Variants in RGL1 observed in about 807,000 individuals in gnomAD.
RGL1 encodes the protein ral guanine nucleotide dissociation stimulator-like 1.
RGL1 carries 24 observed loss-of-function variants against 95.2 expected under a neutral mutation model. That is an observed-to-expected ratio of 0.25 (90% CI 0.18 to 0.35). The LOEUF (loss-of-function observed/expected upper bound fraction) is 0.35. RGL1 is among the 10% of genes least tolerant of loss of function. The pLI is 1.00. For missense variants in RGL1, 715 were observed against 936.3 expected (o/e 0.76, Z 3.08); for synonymous variants, 329 against 344.9 (o/e 0.95, Z 0.51).
chr1:183,755,540 C>T (rs1022363173), intron 2 of RGL1, among the ~76,000 whole-genome samples: 7 of 151,926 alleles, frequency 4.6e-5, no homozygotes, highest in African/African-American at 1.4e-4. Flanking sequence ...AGCAAGGAAG[C>T]AATGGGAGAA....
At chr1:183,809,561 G>A (rs1661563204) in intron 2 of RGL1, among the ~76,000 whole-genome samples, 3 of 152,134 alleles carry the variant, frequency 2.0e-5, no homozygotes, top group Admixed American at 2.0e-4. Context: ...CTTTGGCTGG[G>A]ATAATTTTAC....
At chr1:183,872,650 T>A (rs9425617) in intron 4 of RGL1, among the ~76,000 whole-genome samples, 18,960 of 152,212 alleles carry the variant, frequency 0.12, 1,329 homozygotes, top group Non-Finnish European at 0.16. Context: ...ATCCAAGACA[T>A]CGGATACACT....
intron 2 of RGL1, among the ~76,000 whole-genome samples, chr1:183,795,514 G>C (rs552001890): frequency 6.6e-6 from 1 of 152,322 alleles, no homozygotes; most frequent in East Asian, 1.9e-4. Context: ...TGTGTGAAGG[G>C]AGGGAGCCAG....
At chr1:183,793,930 CA>C (rs905374718) in intron 2 of RGL1, among the ~76,000 whole-genome samples, 41 of 151,382 alleles carry the variant, frequency 2.7e-4, no homozygotes, top group African/African-American at 8.7e-4. Context: ...ATCAGTATAT[CA>C]AAGGAAATTA....
intron 2 of RGL1, among the ~76,000 whole-genome samples, chr1:183,781,597 A>G (rs1659906315): frequency 6.6e-6 from 1 of 152,204 alleles, no homozygotes; most frequent in South Asian, 2.1e-4. Flanking sequence ...GATTCTTTAC[A>G]GAAGAAAAAA....
chr1:183,900,591 G>C (rs900475242), intron 11 of RGL1, among the ~76,000 whole-genome samples: 1 of 152,074 alleles, frequency 6.6e-6, no homozygotes, highest in African/African-American at 2.4e-5. Flanking sequence ...TGCAATCTCT[G>C]CCTCTCGGGT....
intron 2 of RGL1, among the ~76,000 whole-genome samples, chr1:183,796,460 C>T (rs868707799): frequency 1.2e-4 from 19 of 152,130 alleles, no homozygotes; most frequent in Non-Finnish European, 1.0e-4. Flanking sequence ...CTGTGCCCGG[C>T]CTGTATCCCT....
chr1:183,733,220 T>C (rs1656735154), intron 1 of RGL1, among the ~76,000 whole-genome samples: 1 of 152,168 alleles, frequency 6.6e-6, no homozygotes, highest in East Asian at 1.9e-4. Flanking sequence ...TGAGTATACA[T>C]GGATCGTGAC....
intron 1 of RGL1, among the ~76,000 whole-genome samples, chr1:183,701,270 T>C (rs767594804): frequency 3.4e-4 from 52 of 152,320 alleles, no homozygotes; most frequent in Non-Finnish European, 2.8e-4. Context: ...GATGAAAGAA[T>C]GGTTTTTAGT....
intron 6 of RGL1, 63 bp downstream of exon 6, chr1:183,883,973 G>A: frequency 6.4e-7 from 1 of 1,556,316 alleles, no homozygotes; most frequent in East Asian, 2.2e-5. Context: ...GATGGCACTG[G>A]TGCCCCGGTG....
chr1:183,864,827 G>A (rs1665728790), intron 3 of RGL1, among the ~76,000 whole-genome samples: 1 of 152,188 alleles, frequency 6.6e-6, no homozygotes, highest in African/African-American at 2.4e-5. Context: ...TACCGGGATG[G>A]GATGATAGGG....
At chr1:183,725,834 T>C (rs1488044048) in intron 1 of RGL1, among the ~76,000 whole-genome samples, 2 of 152,218 alleles carry the variant, frequency 1.3e-5, no homozygotes, top group Admixed American at 6.5e-5. Flanking sequence ...TTTAAGAACA[T>C]GTCACTTAAC....
At chr1:183,740,915 G>A (rs547406477) in intron 1 of RGL1, among the ~76,000 whole-genome samples, 2 of 152,282 alleles carry the variant, frequency 1.3e-5, no homozygotes, top group African/African-American at 2.4e-5. Flanking sequence ...ACTAGAAGGC[G>A]AAAATAGAAT....
chr1:183,828,090 C>G (rs12093083), intron 2 of RGL1, among the ~76,000 whole-genome samples: 5,927 of 152,114 alleles, frequency 0.039, 171 homozygotes, highest in South Asian at 0.081. Flanking sequence ...AATGTTGCAA[C>G]TTTTTTTTAA....
chr1:183,865,886 C>T (rs1665798933), intron 3 of RGL1, 110 bp from the exon 4 acceptor site: 5 of 733,718 alleles, frequency 6.8e-6, no homozygotes, highest in South Asian at 4.8e-5. Flanking sequence ...TATATCTTTC[C>T]TTAATTACTT....
chr1:183,644,814 C>A (rs1019290497), intron 1 of RGL1, among the ~76,000 whole-genome samples: 1 of 152,146 alleles, frequency 6.6e-6, no homozygotes, highest in African/African-American at 2.4e-5. Context: ...GTCCGATCAG[C>A]AGGATTAGAT....
chr1:183,901,886 C>A (rs1668046948), intron 11 of RGL1, among the ~76,000 whole-genome samples: 1 of 152,232 alleles, frequency 6.6e-6, no homozygotes, highest in Non-Finnish European at 1.5e-5. Flanking sequence ...TTATCATATG[C>A]AACCAGCCTG....
chr1:183,829,053 G>A (rs992264807), intron 2 of RGL1, among the ~76,000 whole-genome samples: 10 of 152,030 alleles, frequency 6.6e-5, no homozygotes, highest in South Asian at 2.1e-4. Context: ...TATAATAACC[G>A]GGATTGAATG....
intron 2 of RGL1, among the ~76,000 whole-genome samples, chr1:183,772,892 C>T (rs1045459754): frequency 3.3e-5 from 5 of 150,980 alleles, no homozygotes; most frequent in Admixed American, 6.6e-5. Context: ...GCCTGTAGTC[C>T]CAGCTACTGG....
Sources: gnomAD v4.1 joint callset for allele counts (sites outside exome capture counted in the v4.1 genomes callset) on GRCh38, gnomAD v4.1.1 for gene constraint, MANE v1.5 for transcripts, NCBI Gene and HGNC (gene_info 2026-07-23, HGNC 2026-07-21) for gene names.